Variants in FHOD3 observed in about 807,000 individuals in gnomAD.
FHOD3 encodes the protein formin homology 2 domain containing 3, also known as FH1/FH2 domain-containing protein 3.
In FHOD3, 90 loss-of-function variants were observed where a neutral mutation model predicts 173.0. That is an observed-to-expected ratio of 0.52 (90% CI 0.44 to 0.62). The LOEUF (loss-of-function observed/expected upper bound fraction) is 0.62. FHOD3 is among the 20% of genes least tolerant of loss of function. The probability of loss-of-function intolerance (pLI) is 0.00; values close to 1 mark genes in which losing one functional copy is unlikely to be tolerated. For synonymous variants in FHOD3, 828 were observed against 823.0 expected (o/e 1.01, Z -0.10); for missense variants, 1,945 against 2,034.7 (o/e 0.96, Z 0.85).
At chr18:36,389,568 G>A (rs773155178) in intron 3 of FHOD3, among the ~76,000 whole-genome samples, 1 of 152,198 alleles carries the variant, frequency 6.6e-6, no homozygotes, top group Non-Finnish European at 1.5e-5. Context: ...CTCAGTGGAC[G>A]TACATAATTA....
chr18:36,622,344 T>C (rs986651843), intron 9 of FHOD3, among the ~76,000 whole-genome samples: 7 of 152,210 alleles, frequency 4.6e-5, no homozygotes, highest in African/African-American at 1.7e-4. Context: ...ATATTTTTAC[T>C]ACAATAAATA....
intron 5 of FHOD3, among the ~76,000 whole-genome samples, chr18:36,561,925 C>T (rs1408263279): frequency 1.3e-5 from 2 of 151,828 alleles, no homozygotes; most frequent in Non-Finnish European, 2.9e-5. Context: ...ATTTAGGTTT[C>T]GCTAAATGGT....
rs777859438 is a variant in FHOD3, at chr18:36,652,730, G to A, written c.1447G>A (p.Ala483Thr). Reference sequence around the variant, plus strand: ...GCACAGTGGGTCCTCTGGGTCTGAGGCCACCCCATCTGCCCTCCTGTCACC... The same window carrying A: ...GCACAGTGGGTCCTCTGGGTCTGAGACCACCCCATCTGCCCTCCTGTCACC... ...TWHSGSSGSE[A>T]TPSALLSPPA... The change falls in exon 12 of 29, where the codon GCC becomes ACC. Residue 483 changes from alanine (A) to threonine (T), a missense_variant. Ala to Thr is a moderately conservative substitution (Grantham distance 58). Transcript: ENST00000590592. 2.6e-6 allele frequency: 4 copies of A among 1,535,594 alleles called. No individual in the cohort carries two copies. The highest frequency in any genetic ancestry group is 2.0e-5 in the Admixed American group (1 of 50,960).
At chr18:36,695,269 A>C (rs2039213182) in intron 17 of FHOD3, among the ~76,000 whole-genome samples, 1 of 151,752 alleles carries the variant, frequency 6.6e-6, no homozygotes, top group Non-Finnish European at 1.5e-5. Flanking sequence ...GGAGAATCGA[A>C]CCCAGGAGGC....
At chr18:36,656,873 A>G (rs1354287756) in intron 13 of FHOD3, among the ~76,000 whole-genome samples, 1 of 152,190 alleles carries the variant, frequency 6.6e-6, no homozygotes, top group Non-Finnish European at 1.5e-5. Context: ...TTAGTTTTCT[A>G]CCATGATCTA....
In FHOD3 at chr18:36,681,445, G is replaced by A. The variant is rs148807316; in HGVS notation, c.1845G>A (p.Pro615=). Residue 615 remains proline (P), a synonymous_variant, in exon 15 of 29, where the codon CCG becomes CCA. Transcript: ENST00000590592. ...CTCATTGTATCTCCAGGTCATCACC[G>A]AGTGGTCTTCTCACATCATCCTTCA... is the stretch of plus-strand genomic sequence containing the variant. ...PQEARLERSS[P]SGLLTSSFRQ... The A allele has an allele frequency of 3.9e-5, 63 of 1,613,614 alleles. No homozygotes were observed. The African/African-American group carries it at 4.3e-4, about 11-fold the overall frequency.
chr18:36,322,840 A>ACTG (rs2044469069), intron 1 of FHOD3, among the ~76,000 whole-genome samples: 1 of 152,040 alleles, frequency 6.6e-6, no homozygotes, highest in African/African-American at 2.4e-5. Flanking sequence ...GTCTTAACAG[A>ACTG]TCTGGCATTA....
chr18:36,501,904 A>G, intron 3 of FHOD3, 28 bp from the exon 4 acceptor site: 1 of 1,489,626 alleles, frequency 6.7e-7, no homozygotes, highest in Non-Finnish European at 9.2e-7. Flanking sequence ...CAGTTTAATT[A>G]ATTTATATGT....
At position 36,300,820 on chromosome 18, in the gene FHOD3, C is replaced by A. The variant is rs1398107378; in HGVS notation, c.165+2820C>A. On this transcript the variant is annotated intron_variant, in intron 1 of 28. Coordinates refer to ENST00000590592, the MANE Select transcript of FHOD3 (RefSeq NM_001281740.3). ...GTGGTGTGATCATGGCTCACTGTAACCTTGACCTCCCTGGGCTCAGGTGAT... is the reference window on the plus strand; with the variant it reads ...GTGGTGTGATCATGGCTCACTGTAAACTTGACCTCCCTGGGCTCAGGTGAT... 3.9e-5 allele frequency among the ~76,000 whole-genome samples: 6 copies of A among 151,964 alleles called. No individual in the cohort carries two copies. The East Asian group carries it at 1.2e-3, about 29-fold the overall frequency.
Position 36,628,586 on chromosome 18 carries a change from G to C in FHOD3, c.1196+2837G>C, listed in dbSNP as rs562410354. 5.3e-5 allele frequency among the ~76,000 whole-genome samples: 8 copies of C among 152,288 alleles called. No homozygotes were observed. The East Asian group carries it at 1.5e-3, about 29-fold the overall frequency. On this transcript the variant is annotated intron_variant, in intron 10 of 28. Transcript: ENST00000590592. ...TTCTTAGGAAATACAACTCTACACT[G>C]AGCATTTGCCCAGTAAGGTACAAGT...
intron 23 of FHOD3, among the ~76,000 whole-genome samples, chr18:36,746,714 A>AG (rs2042171532): frequency 6.6e-6 from 1 of 152,244 alleles, no homozygotes; most frequent in Non-Finnish European, 1.5e-5. Context: ...TGGCCAAAAA[A>AG]GGTAACACAT....
At chr18:36,491,764 A>G (rs7231202) in intron 3 of FHOD3, among the ~76,000 whole-genome samples, 10,228 of 151,914 alleles carry the variant, frequency 0.067, 1,125 homozygotes, top group African/African-American at 0.23. Flanking sequence ...AGATCTTCCC[A>G]TATACATTTA....
At chr18:36,441,475 G>C (rs561698177) in intron 3 of FHOD3, among the ~76,000 whole-genome samples, 1 of 152,312 alleles carries the variant, frequency 6.6e-6, no homozygotes, top group African/African-American at 2.4e-5. Context: ...ACTGGAGACA[G>C]GGAGGCCAGA....
At chr18:36,601,423 C>G (rs1383409558) in intron 7 of FHOD3, among the ~76,000 whole-genome samples, 1 of 152,134 alleles carries the variant, frequency 6.6e-6, no homozygotes, top group Non-Finnish European at 1.5e-5. Flanking sequence ...CATCTGCTTC[C>G]TGGTTCTTTT....
chr18:36,556,774 T>C (rs2057904606), intron 5 of FHOD3, among the ~76,000 whole-genome samples: 1 of 152,230 alleles, frequency 6.6e-6, no homozygotes, highest in African/African-American at 2.4e-5. Context: ...GTGCTTCCAG[T>C]GCTCTTTATT....
At chr18:36,422,071 A>G (rs1450552543) in intron 3 of FHOD3, among the ~76,000 whole-genome samples, 3 of 152,220 alleles carry the variant, frequency 2.0e-5, no homozygotes, top group African/African-American at 7.2e-5. Flanking sequence ...GTACACAGTG[A>G]TTTATAGTAA....
Position 36,779,535 on chromosome 18 carries a change from C to T in FHOD3, c.*5C>T. 1 of 1,613,830 alleles carries T rather than the reference C, an allele frequency of 6.2e-7. No homozygotes were observed. Among genetic ancestry groups the T allele is most frequent in the Non-Finnish European group, 8.5e-7 (1 of 1,179,742 alleles). ...ACCTCGGAGTTGCAGCTGTGACACT[C>T]ATAGGTTACTCCCAGGAGTGTGCTG... On this transcript the variant is annotated 3_prime_UTR_variant, in exon 29 of 29. Transcript: ENST00000590592.
At chr18:36,777,785 G>A (rs2043791457) in intron 28 of FHOD3, 1 of 152,210 alleles carries the variant, frequency 6.6e-6, no homozygotes, top group African/African-American at 2.4e-5. Flanking sequence ...GAGGCCAAGG[G>A]ATCAGGGGTG....
At chr18:36,328,567 T>C (rs2044802311) in intron 1 of FHOD3, among the ~76,000 whole-genome samples, 1 of 151,914 alleles carries the variant, frequency 6.6e-6, no homozygotes, top group Admixed American at 6.6e-5. Flanking sequence ...AGCAGCAGAG[T>C]GTCCTGATCT....
Sources: allele counts gnomAD v4.1 joint callset (sites outside exome capture counted in the v4.1 genomes callset), GRCh38; gene constraint gnomAD v4.1.1; transcripts MANE v1.5; gene names NCBI Gene and HGNC (gene_info 2026-07-23, HGNC 2026-07-21).